Variants in CUL3 observed in about 807,000 individuals in gnomAD.
CUL3 encodes cullin-3.
CUL3 carries 19 observed loss-of-function variants against 89.1 expected under a neutral mutation model. The observed-to-expected ratio is 0.21, with a 90% confidence interval of 0.15 to 0.31. The LOEUF (loss-of-function observed/expected upper bound fraction) is 0.31. CUL3 is among the 10% of genes least tolerant of loss of function. The pLI is 1.00. For missense variants in CUL3, 469 were observed against 942.3 expected, an observed-to-expected ratio of 0.50 and a Z score of 6.58; for synonymous variants, 351 against 308.4, an observed-to-expected ratio of 1.14 and a Z score of -1.45.
intron 2 of CUL3, among the ~76,000 whole-genome samples, chr2:224,554,071 C>T (rs151201929): frequency 0.013 from 1,964 of 152,130 alleles, 22 homozygotes; most frequent in Middle Eastern, 0.024. Flanking sequence ...CACACTCTGG[C>T]CTTCTCTCTT....
In CUL3 at chr2:224,474,185, G is replaced by C. The variant is rs979161829; in HGVS notation, c.*60C>G. 2.0e-5 allele frequency: 31 copies of C among 1,525,604 alleles called. No individual in the cohort carries two copies. The highest frequency in any genetic ancestry group is 2.7e-5 in the Non-Finnish European group (30 of 1,126,438). The allele number at this position is 1,525,604 out of a possible 1,614,324, so 94.5% of individuals were successfully genotyped here. On this transcript the variant is annotated 3_prime_UTR_variant, in exon 16 of 16. Transcript: ENST00000264414. ...CGTCTTAATATTTAATGATTTAAAA[G>C]AACTTCCCAGTCCATGCGAAGAGTA... is the stretch of plus-strand genomic sequence containing the variant.
chr2:224,576,671 T>G (rs1695305440), intron 1 of CUL3, among the ~76,000 whole-genome samples: 1 of 90,108 alleles, frequency 1.1e-5, no homozygotes, highest in Admixed American at 1.5e-4. Flanking sequence ...CTAACCTAGT[T>G]CAGGAGTGAA....
At chr2:224,538,455 T>A (rs1355774996) in intron 2 of CUL3, among the ~76,000 whole-genome samples, 1 of 152,008 alleles carries the variant, frequency 6.6e-6, no homozygotes, top group East Asian at 1.9e-4. Flanking sequence ...TATAAAAAAA[T>A]TGAAAAAGAA....
At chr2:224,508,866 G>A (rs1049535120) in intron 6 of CUL3, among the ~76,000 whole-genome samples, 1 of 150,324 alleles carries the variant, frequency 6.7e-6, no homozygotes, top group Non-Finnish European at 1.5e-5. Context: ...TGAGGCTGAG[G>A]CAGGAGAATG....
intron 1 of CUL3, among the ~76,000 whole-genome samples, chr2:224,582,778 T>C (rs1695470916): frequency 6.6e-6 from 1 of 152,100 alleles, no homozygotes; most frequent in Non-Finnish European, 1.5e-5. Context: ...CAATATTAGC[T>C]CCAAAAGGCA....
chr2:224,511,231 A>T (rs1692814247), intron 6 of CUL3, 123 bp downstream of exon 6: 2 of 641,734 alleles, frequency 3.1e-6, no homozygotes, highest in African/African-American at 3.7e-5. Flanking sequence ...AATGGAGACA[A>T]ATTAACAATA....
At chr2:224,566,779 G>A (rs1695050095) in intron 1 of CUL3, among the ~76,000 whole-genome samples, 1 of 152,116 alleles carries the variant, frequency 6.6e-6, no homozygotes, top group Non-Finnish European at 1.5e-5. Context: ...AGAATCAGTA[G>A]GTATACTTTT....
chr2:224,477,478 A>C (rs1308528115), intron 15 of CUL3, among the ~76,000 whole-genome samples: 1 of 152,196 alleles, frequency 6.6e-6, no homozygotes, highest in Admixed American at 6.5e-5. Flanking sequence ...GCATTCTCAT[A>C]TAGCTAATTC....
At chr2:224,515,928 G>C (rs1019420629) in intron 3 of CUL3, among the ~76,000 whole-genome samples, 2 of 152,082 alleles carry the variant, frequency 1.3e-5, no homozygotes, top group African/African-American at 4.8e-5. Context: ...GACCTCAAGT[G>C]ATCTGCCCAC....
intron 1 of CUL3, among the ~76,000 whole-genome samples, chr2:224,566,094 T>C (rs1052988017): frequency 6.6e-6 from 1 of 152,144 alleles, no homozygotes. Flanking sequence ...ACAGGCTGAA[T>C]TAAAAACACT....
intron 1 of CUL3, among the ~76,000 whole-genome samples, chr2:224,578,296 T>G (rs969894786): frequency 9.9e-5 from 15 of 152,162 alleles, no homozygotes; most frequent in Non-Finnish European, 2.2e-4. Flanking sequence ...TGATAGTCAT[T>G]AAAAACTATG....
chr2:224,553,389 G>A lies in CUL3; in HGVS notation c.264+4270C>T, dbSNP rs145149066. On this transcript the variant is annotated intron_variant, in intron 2 of 15. Coordinates refer to ENST00000264414, the MANE Select transcript of CUL3 (RefSeq NM_003590.5). ...AAATAAAAGAACATTTTCAGATGCCGGCAATGATCATTAATGACTATGTAT... is the reference window on the plus strand; with the variant it reads ...AAATAAAAGAACATTTTCAGATGCCAGCAATGATCATTAATGACTATGTAT... 2.0e-3 allele frequency among the ~76,000 whole-genome samples: 308 copies of A among 152,186 alleles called. 3 individuals are homozygous for A. Among genetic ancestry groups the A allele is most frequent in the African/African-American group, 7.1e-3 (296 of 41,522 alleles).
At chr2:224,493,023 T>C (rs1285180742) in intron 13 of CUL3, among the ~76,000 whole-genome samples, 2 of 152,138 alleles carry the variant, frequency 1.3e-5, no homozygotes, top group Admixed American at 1.3e-4. Context: ...ACCCTGGAAG[T>C]GTATTCTCCA....
At chr2:224,509,170 A>G (rs1252030095) in intron 6 of CUL3, among the ~76,000 whole-genome samples, 1 of 152,100 alleles carries the variant, frequency 6.6e-6, no homozygotes, top group Non-Finnish European at 1.5e-5. Flanking sequence ...CAATTAGGAT[A>G]TTTTGCCACC....
rs778642011 is a variant in CUL3, at chr2:224,473,581, A to C, written c.*664T>G. 8.6e-5 allele frequency: 16 copies of C among 185,052 alleles called. No individual in the cohort carries two copies. Among genetic ancestry groups the C allele is most frequent in the Non-Finnish European group, 1.7e-4 (15 of 87,112 alleles). The allele number at this position is 185,052 out of a possible 1,614,324, so 11.5% of individuals were successfully genotyped here. A position where few individuals can be genotyped will look rare whatever the true frequency, so the allele number is the denominator to read the frequency against. ...CAGAACAAAACCTAATCATTATAAGACTTAATTTGGGAAATCTCAAATTAC... is the reference window on the plus strand; with the variant it reads ...CAGAACAAAACCTAATCATTATAAGCCTTAATTTGGGAAATCTCAAATTAC... On this transcript the variant is annotated 3_prime_UTR_variant, in exon 16 of 16. Coordinates refer to ENST00000264414, the MANE Select transcript of CUL3 (RefSeq NM_003590.5).
chr2:224,567,048 TC>T (rs1397030780), intron 1 of CUL3, among the ~76,000 whole-genome samples: 1 of 152,192 alleles, frequency 6.6e-6, no homozygotes, highest in Non-Finnish European at 1.5e-5. Context: ...TGGGAGCACT[TC>T]CAGGTTCACT....
intron 3 of CUL3, among the ~76,000 whole-genome samples, chr2:224,527,906 G>A (rs1369923730): frequency 2.0e-5 from 3 of 152,092 alleles, no homozygotes; most frequent in African/African-American, 7.2e-5. Flanking sequence ...TCTATCAGTG[G>A]GTTTTCCTTA....
chr2:224,537,685 C>G (rs369138163), intron 2 of CUL3, among the ~76,000 whole-genome samples: 1 of 152,062 alleles, frequency 6.6e-6, no homozygotes. Flanking sequence ...GAGCAATCTA[C>G]GCTACATACA....
At position 224,507,087 on chromosome 2, in the gene CUL3, A is replaced by C. The variant is rs1486195206; in HGVS notation, c.884-84T>G. 14 of 1,281,196 alleles carry C rather than the reference A, an allele frequency of 1.1e-5. No homozygotes were observed. The African/African-American group carries it at 1.4e-4, about 12-fold the overall frequency. The allele number at this position is 1,281,196 out of a possible 1,614,324, so 79.4% of individuals were successfully genotyped here. A position where few individuals can be genotyped will look rare whatever the true frequency, so the allele number is the denominator to read the frequency against. On this transcript the variant is annotated intron_variant, in intron 6 of 15. Coordinates refer to ENST00000264414, the MANE Select transcript of CUL3 (RefSeq NM_003590.5). ...TCTGTTCACGCTATAATACTGAGAG[A>C]AGCTTATTTCTCCATTACCCCCATT...
Sources: allele counts gnomAD v4.1 joint callset (sites outside exome capture counted in the v4.1 genomes callset), GRCh38; gene constraint gnomAD v4.1.1; transcripts MANE v1.5; gene names NCBI Gene and HGNC (gene_info 2026-07-23, HGNC 2026-07-21).